Variants in STXBP5L observed in about 807,000 individuals in gnomAD.
STXBP5L encodes the protein syntaxin binding protein 5L.
STXBP5L carries 65 observed loss-of-function variants against 144.5 expected under a neutral mutation model. The ratio of observed to expected loss-of-function variants is 0.45; its 90% CI spans 0.37 to 0.55. The LOEUF is 0.55. Ranked by LOEUF, STXBP5L falls within the 20% of genes least tolerant of loss-of-function variation. STXBP5L has a pLI of 0.00. For missense variants in STXBP5L, 1,298 were observed against 1,405.5 expected, an observed-to-expected ratio of 0.92 and a Z score of 1.22; for synonymous variants, 505 against 469.6, an observed-to-expected ratio of 1.08 and a Z score of -0.97.
intron 19 of STXBP5L, among the ~76,000 whole-genome samples, chr3:121,293,803 G>A (rs550974220): frequency 6.6e-6 from 1 of 152,244 alleles, no homozygotes; most frequent in Admixed American, 6.5e-5. Flanking sequence ...GGAGGTTGCC[G>A]TGAGCCAAGA....
chr3:121,039,881 A>G (rs1032687251), intron 3 of STXBP5L, among the ~76,000 whole-genome samples: 2 of 151,706 alleles, frequency 1.3e-5, no homozygotes, highest in African/African-American at 2.4e-5. Context: ...GTTTTTATTG[A>G]CATATTTTCA....
intron 3 of STXBP5L, among the ~76,000 whole-genome samples, chr3:120,993,398 G>T (rs982870921): frequency 1.3e-5 from 2 of 151,894 alleles, no homozygotes; most frequent in African/African-American, 4.8e-5. Context: ...ACCATGTACT[G>T]CAGTGTTTCC....
intron 10 of STXBP5L, among the ~76,000 whole-genome samples, chr3:121,214,219 G>A (rs1342914593): frequency 3.3e-5 from 5 of 151,918 alleles, no homozygotes; most frequent in Non-Finnish European, 7.4e-5. Flanking sequence ...CAGTTGCACT[G>A]TGATCTTAGT....
chr3:121,202,487 T>A (rs1414523187), intron 9 of STXBP5L, among the ~76,000 whole-genome samples: 1 of 152,194 alleles, frequency 6.6e-6, no homozygotes, highest in African/African-American at 2.4e-5. Flanking sequence ...CTAGTTACCT[T>A]TACTGGTACT....
intron 19 of STXBP5L, among the ~76,000 whole-genome samples, chr3:121,309,213 A>G (rs1279168688): frequency 6.6e-6 from 1 of 152,086 alleles, no homozygotes; most frequent in Non-Finnish European, 1.5e-5. Context: ...AGATTGTGAG[A>G]CTTTTTTTTA....
At chr3:121,023,078 A>C (rs1381374137) in intron 3 of STXBP5L, among the ~76,000 whole-genome samples, 1 of 152,198 alleles carries the variant, frequency 6.6e-6, no homozygotes, top group African/African-American at 2.4e-5. Context: ...TAATGCACAC[A>C]AATCAGTAGC....
chr3:121,300,331 CA>C (rs2051840314), intron 19 of STXBP5L, among the ~76,000 whole-genome samples: 1 of 151,908 alleles, frequency 6.6e-6, no homozygotes, highest in Non-Finnish European at 1.5e-5. Context: ...ATTAGGAATA[CA>C]GGTAAGAATG....
chr3:121,303,827 A>G (rs1168293808), intron 19 of STXBP5L, among the ~76,000 whole-genome samples: 2 of 151,990 alleles, frequency 1.3e-5, no homozygotes, highest in Non-Finnish European at 2.9e-5. Context: ...GAATTGAAAA[A>G]TGAGAACACA....
In STXBP5L at chr3:121,418,410, G is replaced by C; in HGVS notation, c.3300G>C (p.Gly1100=). 6.2e-7 allele frequency: 1 copy of C among 1,614,068 alleles called. No homozygotes were observed. Among genetic ancestry groups the C allele is most frequent in the Non-Finnish European group, 8.5e-7 (1 of 1,179,966 alleles). Residue 1100 remains glycine, a synonymous_variant, in exon 26 of 27, where the codon GGG becomes GGC. Coordinates refer to ENST00000471454, the MANE Select transcript of STXBP5L (RefSeq NM_001308330.2). ...QHIPGPGSIE[G]MKGAAGGVMG... ...TTCCTGGACCAGGTAGTATAGAAGG[G>C]ATGAAAGGCGCTGCTGGAGGGGTGA...
At chr3:121,174,955 A>T (rs951793098) in intron 9 of STXBP5L, among the ~76,000 whole-genome samples, 4 of 152,126 alleles carry the variant, frequency 2.6e-5, no homozygotes, top group African/African-American at 9.7e-5. Context: ...AAAAACCCAG[A>T]CAACCCTACC....
intron 14 of STXBP5L, among the ~76,000 whole-genome samples, chr3:121,249,840 C>G (rs1237918395): frequency 6.6e-6 from 1 of 152,012 alleles, no homozygotes; most frequent in African/African-American, 2.4e-5. Flanking sequence ...TTCCTACACA[C>G]CCTTTATCTG....
intron 20 of STXBP5L, among the ~76,000 whole-genome samples, chr3:121,328,242 A>G (rs904783926): frequency 6.6e-6 from 1 of 152,198 alleles, no homozygotes; most frequent in African/African-American, 2.4e-5. Context: ...ATAATAGCTA[A>G]CATTGAATGC....
chr3:121,211,611 G>T (rs559446265), intron 10 of STXBP5L, among the ~76,000 whole-genome samples: 1 of 116,868 alleles, frequency 8.6e-6, no homozygotes, highest in Admixed American at 1.2e-4. Context: ...ACAGAGTCTC[G>T]CTCTGTCACC....
chr3:121,087,058 C>T (rs540187962), intron 5 of STXBP5L, among the ~76,000 whole-genome samples: 1 of 152,020 alleles, frequency 6.6e-6, no homozygotes, highest in South Asian at 2.1e-4. Context: ...TTTTATATAA[C>T]TTGAGTTATT....
chr3:121,371,705 C>T (rs538939491), intron 20 of STXBP5L, among the ~76,000 whole-genome samples: 125 of 152,284 alleles, frequency 8.2e-4, no homozygotes, highest in African/African-American at 2.9e-3. Context: ...ATGGGAGCAC[C>T]GGTGGGTGCT....
intron 20 of STXBP5L, among the ~76,000 whole-genome samples, chr3:121,363,391 G>A (rs938580984): frequency 4.6e-5 from 7 of 152,158 alleles, no homozygotes; most frequent in African/African-American, 1.7e-4. Flanking sequence ...GAGAGCTGTA[G>A]CCCTTGGTGG....
At chr3:121,005,239 G>A (rs1944181234) in intron 3 of STXBP5L, among the ~76,000 whole-genome samples, 1 of 151,998 alleles carries the variant, frequency 6.6e-6, no homozygotes, top group South Asian at 2.1e-4. Context: ...GCCTGTTTTT[G>A]GTCTATTCAG....
chr3:121,247,468 G>T (rs762945107), intron 14 of STXBP5L, among the ~76,000 whole-genome samples: 5 of 152,010 alleles, frequency 3.3e-5, no homozygotes, highest in Non-Finnish European at 7.4e-5. Flanking sequence ...CAAATCCCTC[G>T]CCTTCTCTCC....
At chr3:120,959,062 G>A (rs1354815230) in intron 3 of STXBP5L, among the ~76,000 whole-genome samples, 2 of 152,090 alleles carry the variant, frequency 1.3e-5, no homozygotes, top group Non-Finnish European at 2.9e-5. Flanking sequence ...CAAAGTCTCA[G>A]GATACAAAAT....
Sources: allele counts gnomAD v4.1 joint callset (sites outside exome capture counted in the v4.1 genomes callset), GRCh38; gene constraint gnomAD v4.1.1; transcripts MANE v1.5; gene names NCBI Gene and HGNC (gene_info 2026-07-23, HGNC 2026-07-21).